LMX1A: variants seen among roughly 807,000 people sequenced by gnomAD.
LMX1A encodes the protein LIM homeobox transcription factor 1-alpha.
LMX1A carries 15 observed loss-of-function variants against 49.1 expected under a neutral mutation model. The observed-to-expected ratio is 0.31, with a 90% CI of 0.20 to 0.47. The LOEUF is 0.47. Among genes scored for constraint, LMX1A ranks in the 20% least tolerant of loss-of-function variants. The pLI is 1.00. For missense variants in LMX1A, 372 were observed against 475.8 expected, an observed-to-expected ratio of 0.78 and a Z score of 2.03; for synonymous variants, 167 against 185.7, an observed-to-expected ratio of 0.90 and a Z score of 0.82.
intron 3 of LMX1A, among the ~76,000 whole-genome samples, chr1:165,307,573 A>G (rs1284141327): frequency 1.3e-5 from 2 of 152,194 alleles, no homozygotes; most frequent in African/African-American, 4.8e-5. Context: ...GGATTCTGGG[A>G]GGTGTGCAGT....
intron 7 of LMX1A, among the ~76,000 whole-genome samples, chr1:165,206,903 G>T (rs905802203): frequency 1.3e-5 from 2 of 152,142 alleles, no homozygotes; most frequent in South Asian, 4.1e-4. Context: ...GAAACTAAGG[G>T]AACTCTTGGC....
chr1:165,336,239 T>C (rs1655894529), intron 3 of LMX1A, among the ~76,000 whole-genome samples: 1 of 152,202 alleles, frequency 6.6e-6, no homozygotes, highest in African/African-American at 2.4e-5. Context: ...TGTATCTTCC[T>C]GTCCTTCCTT....
intron 3 of LMX1A, among the ~76,000 whole-genome samples, chr1:165,261,673 G>A (rs546916134): frequency 6.6e-6 from 1 of 151,998 alleles, no homozygotes; most frequent in East Asian, 1.9e-4. Flanking sequence ...AACAAAATGT[G>A]GTATATGCCT....
At chr1:165,279,092 C>T (rs1654062326) in intron 3 of LMX1A, among the ~76,000 whole-genome samples, 1 of 152,220 alleles carries the variant, frequency 6.6e-6, no homozygotes, top group Non-Finnish European at 1.5e-5. Flanking sequence ...TGTATATCGC[C>T]TGTGAGCATT....
chr1:165,352,383 G>A (rs775219937), intron 3 of LMX1A, among the ~76,000 whole-genome samples: 1 of 152,202 alleles, frequency 6.6e-6, no homozygotes, highest in Admixed American at 6.5e-5. Context: ...GGCGGCACAG[G>A]TTGAAGGAGA....
intron 3 of LMX1A, among the ~76,000 whole-genome samples, chr1:165,277,519 T>C (rs907856613): frequency 6.6e-6 from 1 of 152,192 alleles, no homozygotes; most frequent in African/African-American, 2.4e-5. Flanking sequence ...GGCAAATGTA[T>C]GTTAGTGTCA....
At chr1:165,270,710 G>A (rs1170408553) in intron 3 of LMX1A, among the ~76,000 whole-genome samples, 1 of 152,150 alleles carries the variant, frequency 6.6e-6, no homozygotes, top group Non-Finnish European at 1.5e-5. Flanking sequence ...CTATTTTATA[G>A]GAAATGGGGA....
At chr1:165,287,287 T>G (rs2101711498) in intron 3 of LMX1A, among the ~76,000 whole-genome samples, 1 of 152,256 alleles carries the variant, frequency 6.6e-6, no homozygotes, top group East Asian at 1.9e-4. Context: ...TCTTCACATG[T>G]GAGATAGTCC....
intron 3 of LMX1A, among the ~76,000 whole-genome samples, chr1:165,351,847 C>T (rs1240115603): frequency 6.6e-6 from 1 of 152,264 alleles, no homozygotes; most frequent in Non-Finnish European, 1.5e-5. Flanking sequence ...ACAGAGACTT[C>T]TCCCGTTCAG....
At position 165,240,193 on chromosome 1, in the gene LMX1A, A is replaced by G. The variant is rs960188335; in HGVS notation, c.496+9215T>C. On this transcript the variant is annotated intron_variant, in intron 4 of 8. Transcript: ENST00000342310. ...CTTATGATAAAAAATGTATTTTAAG[A>G]TTTTCTGAAAAGTGCTACCATAGAG... 5.9e-5 allele frequency among the ~76,000 whole-genome samples: 9 copies of G among 152,320 alleles called. No individual in the cohort carries two copies. In the East Asian group the frequency reaches 7.7e-4, roughly 13 times the overall value.
chr1:165,355,566 G>T lies in LMX1A; in HGVS notation c.-7C>A, dbSNP rs912382185. On this transcript the variant is annotated 5_prime_UTR_variant, in exon 2 of 9. Coordinates refer to ENST00000342310, the MANE Select transcript of LMX1A (RefSeq NM_177398.4). This position sits in a 1 kb window ranked among gnomAD's most constrained non-coding sequence, Gnocchi z 4.7. ...TCTTTAGGCCGTCCAGCATGTTCGG[G>T]CCGGGCCGGGAGGACCTGTAGAGGA... 6.2e-7 allele frequency: 1 copy of T among 1,613,210 alleles called. No individual in the cohort carries two copies. Among genetic ancestry groups the T allele is most frequent in the African/African-American group, 1.3e-5 (1 of 74,910 alleles).
chr1:165,325,674 C>T (rs904306699), intron 3 of LMX1A, among the ~76,000 whole-genome samples: 28 of 152,192 alleles, frequency 1.8e-4, no homozygotes, highest in African/African-American at 5.1e-4. Context: ...TGCCTCCCCC[C>T]TCCCTCTCTC....
rs1033686282 is a variant in LMX1A at position 165,290,775 on chromosome 1, G to A, written c.264-41135C>T. 9.9e-5 allele frequency among the ~76,000 whole-genome samples: 15 copies of A among 152,182 alleles called. No individual in the cohort carries two copies. The South Asian group carries it at 2.1e-3, about 21-fold the overall frequency. The stretch of plus-strand genomic sequence containing the variant: ...ATGCGGTTCTCAAAGTGTAGTCTCC[G>A]GACCACCAACATCACCGGAGAATTT... On this transcript the variant is annotated intron_variant, in intron 3 of 8. Transcript: ENST00000342310.
At chr1:165,251,131 G>A (rs1359420598) in intron 3 of LMX1A, among the ~76,000 whole-genome samples, 2 of 150,726 alleles carry the variant, frequency 1.3e-5, no homozygotes, top group Non-Finnish European at 2.9e-5. Context: ...CGCCCAAGCT[G>A]GAGTGCAGTG....
chr1:165,251,449 G>A lies in LMX1A; in HGVS notation c.264-1809C>T, dbSNP rs144536111. ...GGAACTCTTGGCTGTATGAAAAGTG[G>A]AATGGAAATGGAGGTAGCGAGATGA... is the stretch of plus-strand genomic sequence containing the variant. On this transcript the variant is annotated intron_variant, in intron 3 of 8. Coordinates refer to ENST00000342310, the MANE Select transcript of LMX1A (RefSeq NM_177398.4). Among the ~76,000 whole-genome samples the A allele has an allele frequency of 3.2e-4, 49 of 152,260 alleles. No homozygotes were observed. In the East Asian group the frequency reaches 7.9e-3, roughly 25 times the overall value.
chr1:165,298,760 T>C (rs1331898604), intron 3 of LMX1A, among the ~76,000 whole-genome samples: 1 of 152,206 alleles, frequency 6.6e-6, no homozygotes, highest in Non-Finnish European at 1.5e-5. Context: ...TGACCAAGAA[T>C]TATAAATTTA....
intron 6 of LMX1A, 102 bp from the exon 7 acceptor site, chr1:165,208,234 G>A (rs1651181901): frequency 1.9e-6 from 2 of 1,032,038 alleles, no homozygotes; most frequent in African/African-American, 1.6e-5. Context: ...GAGAGGGCTT[G>A]TTGGCAAAGC....
chr1:165,298,554 G>A (rs1359576646), intron 3 of LMX1A, among the ~76,000 whole-genome samples: 1 of 152,186 alleles, frequency 6.6e-6, no homozygotes, highest in Non-Finnish European at 1.5e-5. Flanking sequence ...GGATTTTGGC[G>A]GCTAACCCCT....
chr1:165,296,081 CCAAT>C (rs1363169901), intron 3 of LMX1A, among the ~76,000 whole-genome samples: 1 of 152,170 alleles, frequency 6.6e-6, no homozygotes, highest in African/African-American at 2.4e-5. Flanking sequence ...AACTGATGCA[CCAAT>C]CAAACTAGTT....
Sources: gnomAD v4.1 joint callset for allele counts (sites outside exome capture counted in the v4.1 genomes callset) on GRCh38, gnomAD v4.1.1 for gene constraint, Gnocchi (gnomAD v3.1) non-coding constraint, MANE v1.5 for transcripts, NCBI Gene and HGNC (gene_info 2026-07-23, HGNC 2026-07-21) for gene names.